PRIM2: variants seen among roughly 807,000 people sequenced by gnomAD.
The protein encoded by PRIM2 is DNA primase subunit 2, also known as DNA primase large subunit.
Under a neutral mutation model 67.3 loss-of-function variants are expected in PRIM2, and 39 were observed. The ratio of observed to expected loss-of-function variants is 0.58; its 90% confidence interval spans 0.45 to 0.76. The LOEUF is 0.76. Among genes scored for constraint, PRIM2 ranks in the 30% least tolerant of loss-of-function variants. PRIM2 has a pLI of 0.00. For synonymous variants in PRIM2, 143 were observed against 198.7 expected, an observed-to-expected ratio of 0.72 and a Z score of 2.36; for missense variants, 398 against 598.7, an observed-to-expected ratio of 0.66 and a Z score of 3.50.
chr6:57,530,661 C>A lies in PRIM2; in HGVS notation c.762-1750C>A, dbSNP rs1429866670. Among the ~76,000 whole-genome samples, 7 of 152,002 alleles carry A rather than the reference C, an allele frequency of 4.6e-5. No individual in the cohort carries two copies. The East Asian group carries it at 1.4e-3, about 29-fold the overall frequency. On this transcript the variant is annotated intron_variant, in intron 8 of 13. Coordinates refer to ENST00000615550, the MANE Select transcript of PRIM2 (RefSeq NM_000947.5). The stretch of plus-strand genomic sequence containing the variant: ...CTGCTCTCAGAGTAATTCTCAGGTC[C>A]TTCTTAGCCTGTAGGAGGAGGACTT...
the PRIM2 span, among the ~76,000 whole-genome samples, chr6:57,294,806 T>C: frequency 6.6e-6 from 1 of 151,388 alleles, no homozygotes; most frequent in Admixed American, 6.6e-5. Context: ...TTTTTACTCA[T>C]TTTATGACTT....
At chr6:57,432,396 G>A (rs900585368) in intron 7 of PRIM2, among the ~76,000 whole-genome samples, 1 of 152,076 alleles carries the variant, frequency 6.6e-6, no homozygotes, top group African/African-American at 2.4e-5. Context: ...GAGAAATCTG[G>A]GAGGCAGGAG....
upstream of PRIM2, among the ~76,000 whole-genome samples, chr6:57,311,938 G>A (rs1767400001): frequency 6.6e-6 from 1 of 150,780 alleles, no homozygotes; most frequent in Admixed American, 6.6e-5. Flanking sequence ...CGGAGCCCGA[G>A]GCAGGGAGGT....
At chr6:57,300,097 A>G in the PRIM2 span, among the ~76,000 whole-genome samples, 13,411 of 152,308 alleles carry the variant, frequency 0.088, 625 homozygotes, top group Admixed American at 0.11. Context: ...CTGAAGGCTA[A>G]GGGTAATTTC....
At position 57,619,993 on chromosome 6, in the gene PRIM2, G is replaced by A. The variant is rs1463787760; in HGVS notation, c.1231-12140G>A. On this transcript the variant is annotated intron_variant, in intron 12 of 13. Coordinates refer to ENST00000615550, the MANE Select transcript of PRIM2 (RefSeq NM_000947.5). ...AGATGGATCATGAGGTCAGGAGATC[G>A]AGACCGTCCTGGCTAACACAGTGAA... Among the ~76,000 whole-genome samples the A allele has an allele frequency of 1.9e-4, 29 of 152,200 alleles. 1 individual carries two copies. In the East Asian group the frequency reaches 4.5e-3, roughly 23 times the overall value.
chr6:57,601,640 T>G (rs1461814735), intron 11 of PRIM2, among the ~76,000 whole-genome samples: 8 of 152,182 alleles, frequency 5.3e-5, no homozygotes, highest in Non-Finnish European at 1.0e-4. Context: ...GTGAGGTTTT[T>G]TTCTTATCAC....
At chr6:57,450,858 C>T (rs1336914436) in intron 7 of PRIM2, among the ~76,000 whole-genome samples, 1 of 152,146 alleles carries the variant, frequency 6.6e-6, no homozygotes, top group Non-Finnish European at 1.5e-5. Context: ...ATACTTCATT[C>T]AGTTCATTAC....
In PRIM2 at chr6:57,361,646, G is replaced by A. The variant is rs1052871816; in HGVS notation, c.460-18255G>A. On this transcript the variant is annotated intron_variant, in intron 5 of 13. Coordinates refer to ENST00000615550, the MANE Select transcript of PRIM2 (RefSeq NM_000947.5). ...TATGCAAATGTGTCTTTTAAGATAAGTTCCCTAGCAAAATCCCACTCCTAA... is the reference window on the plus strand; with the variant it reads ...TATGCAAATGTGTCTTTTAAGATAAATTCCCTAGCAAAATCCCACTCCTAA... Among the ~76,000 whole-genome samples the A allele has an allele frequency of 5.3e-5, 8 of 151,108 alleles. No homozygotes were observed. The East Asian group carries it at 7.7e-4, about 15-fold the overall frequency.
intron 3 of PRIM2, among the ~76,000 whole-genome samples, chr6:57,321,642 C>A (rs1235422476): frequency 2.6e-5 from 4 of 151,932 alleles, no homozygotes; most frequent in Non-Finnish European, 4.4e-5. Context: ...GCTAGAGTTT[C>A]AATAATAATG....
the PRIM2 span, among the ~76,000 whole-genome samples, chr6:57,286,287 C>T: frequency 5.9e-5 from 9 of 152,154 alleles, no homozygotes; most frequent in African/African-American, 2.2e-4. Context: ...CAAAAAAGAG[C>T]CCGTATAGCC....
chr6:57,479,638 C>T (rs1192709047), intron 7 of PRIM2, among the ~76,000 whole-genome samples: 56,709 of 151,876 alleles, frequency 0.37, 10,950 homozygotes, highest in African/African-American at 0.49. Context: ...ATATATTATC[C>T]CATACACGTG....
At chr6:57,271,013 C>T in the PRIM2 span, among the ~76,000 whole-genome samples, 12,002 of 151,070 alleles carry the variant, frequency 0.079, 719 homozygotes, top group East Asian at 0.18. Flanking sequence ...TTTGATGTGC[C>T]GCTGGATTTG....
At chr6:57,390,016 A>G (rs1315767168) in intron 7 of PRIM2, 1 of 154,642 alleles carries the variant, frequency 6.5e-6, no homozygotes, top group Non-Finnish European at 1.5e-5. Flanking sequence ...GCATATCACG[A>G]TATGCAAGCA....
At chr6:57,459,264 G>T (rs1478369560) in intron 7 of PRIM2, among the ~76,000 whole-genome samples, 1 of 152,148 alleles carries the variant, frequency 6.6e-6, no homozygotes, top group African/African-American at 2.4e-5. Flanking sequence ...CACATGAGAA[G>T]AATTCAATAA....
chr6:57,246,508 G>A, the PRIM2 span, among the ~76,000 whole-genome samples: 2 of 152,184 alleles, frequency 1.3e-5, no homozygotes, highest in African/African-American at 4.8e-5. Context: ...GGGAGGAGCA[G>A]GAGTGAAAGA....
intron 11 of PRIM2, among the ~76,000 whole-genome samples, chr6:57,602,383 A>T (rs1439779773): frequency 6.6e-6 from 1 of 152,158 alleles, no homozygotes; most frequent in Non-Finnish European, 1.5e-5. Context: ...TTTATCACTT[A>T]TTTCAGAGTC....
intron 7 of PRIM2, among the ~76,000 whole-genome samples, chr6:57,385,615 T>G (rs1414285163): frequency 6.6e-6 from 1 of 152,234 alleles, no homozygotes; most frequent in Non-Finnish European, 1.5e-5. Context: ...CACAGGCAAT[T>G]TTAATTCACA....
the PRIM2 span, among the ~76,000 whole-genome samples, chr6:57,306,148 T>G: frequency 6.6e-6 from 1 of 152,226 alleles, no homozygotes; most frequent in Non-Finnish European, 1.5e-5. Flanking sequence ...TTTCACTTCG[T>G]ACCCCCACTA....
the PRIM2 span, among the ~76,000 whole-genome samples, chr6:57,233,778 C>T: frequency 6.6e-6 from 1 of 151,902 alleles, no homozygotes; most frequent in East Asian, 1.9e-4. Context: ...CTTCAGCCTC[C>T]CTAGTAGCTA....
Sources: allele counts gnomAD v4.1 joint callset (sites outside exome capture counted in the v4.1 genomes callset), GRCh38; gene constraint gnomAD v4.1.1; transcripts MANE v1.5; gene names NCBI Gene and HGNC (gene_info 2026-07-23, HGNC 2026-07-21).